Variants in SSBP2 observed in about 807,000 individuals in gnomAD.
The protein encoded by SSBP2 is single stranded DNA binding protein 2.
In SSBP2, 17 loss-of-function variants were observed where a neutral mutation model predicts 61.8. That is an observed-to-expected ratio of 0.28 (90% confidence interval 0.19 to 0.41). The LOEUF is 0.41. Among genes scored for constraint, SSBP2 ranks in the 10% least tolerant of loss-of-function variants. The probability of loss-of-function intolerance (pLI) is 1.00; values close to 1 mark genes in which losing one functional copy is unlikely to be tolerated. For missense variants in SSBP2, 310 were observed against 458.7 expected (o/e 0.68, Z 2.96); for synonymous variants, 139 against 141.3 (o/e 0.98, Z 0.12).
intron 4 of SSBP2, among the ~76,000 whole-genome samples, chr5:81,586,845 A>G (rs1775093723): frequency 6.6e-6 from 1 of 151,798 alleles, no homozygotes; most frequent in Admixed American, 6.6e-5. Flanking sequence ...TAGGAGTCTA[A>G]AATTCTGGTA....
In SSBP2 at chr5:81,436,479, G is replaced by A. The variant is rs374935319; in HGVS notation, c.957+951C>T. 8.5e-5 allele frequency among the ~76,000 whole-genome samples: 13 copies of A among 152,218 alleles called. No individual in the cohort carries two copies. In the South Asian group the frequency reaches 2.7e-3, roughly 32 times the overall value. On this transcript the variant is annotated intron_variant, in intron 15 of 16. Coordinates refer to ENST00000320672, the MANE Select transcript of SSBP2 (RefSeq NM_012446.5). The stretch of plus-strand genomic sequence containing the variant: ...TGAGGCAAAGCAGCCAGGCAGTAGA[G>A]TTATAATGCCAGAATTCCAATTAAA...
At chr5:81,556,687 C>A (rs1363021008) in intron 4 of SSBP2, among the ~76,000 whole-genome samples, 2 of 152,040 alleles carry the variant, frequency 1.3e-5, no homozygotes, top group Non-Finnish European at 2.9e-5. Context: ...CATTTTCATC[C>A]CTTGCCTTGC....
chr5:81,720,549 T>C (rs1214441907), intron 1 of SSBP2, among the ~76,000 whole-genome samples: 1 of 152,152 alleles, frequency 6.6e-6, no homozygotes, highest in East Asian at 1.9e-4. Flanking sequence ...TTGCATAAAA[T>C]TTCAACAAAA....
intron 4 of SSBP2, among the ~76,000 whole-genome samples, chr5:81,595,575 T>C (rs1304804026): frequency 6.6e-6 from 1 of 152,176 alleles, no homozygotes; most frequent in Non-Finnish European, 1.5e-5. Context: ...TGATGAACAC[T>C]GATGCAAAAA....
In SSBP2 at chr5:81,415,922, A is replaced by AAAAAAAAAAAAAAAAAAAAAAAAAAG. The variant is rs766994399; in HGVS notation, c.*4581_*4582insCTTTTTTTTTTTTTTTTTTTTTTTTT. 1 of 73,752 alleles carries AAAAAAAAAAAAAAAAAAAAAAAAAAG rather than the reference A, an allele frequency of 1.4e-5. No homozygotes were observed. The highest frequency in any genetic ancestry group is 1.5e-4 in the African/African-American group (1 of 6,788). 4.6% of individuals were successfully genotyped at this position (73,752 alleles called of 1,614,324 possible). ...GCAAGATTCTGACTCAAAAAAAAAA[A>AAAAAAAAAAAAAAAAAAAAAAAAAAG]AAAAAAAGAGGAAAACCTGATCAAG... On this transcript the variant is annotated 3_prime_UTR_variant, in exon 17 of 17. Transcript: ENST00000320672.
intron 4 of SSBP2, among the ~76,000 whole-genome samples, chr5:81,587,876 T>C (rs1202102682): frequency 6.6e-6 from 1 of 152,138 alleles, no homozygotes; most frequent in Non-Finnish European, 1.5e-5. Flanking sequence ...TCTGTGAAGA[T>C]GATGGTAGAT....
intron 4 of SSBP2, among the ~76,000 whole-genome samples, chr5:81,578,447 C>A (rs1157653880): frequency 6.6e-6 from 1 of 151,756 alleles, no homozygotes; most frequent in Non-Finnish European, 1.5e-5. Context: ...AAAAAGTCAT[C>A]ATATAATTGA....
At chr5:81,669,175 G>A (rs192175111) in intron 1 of SSBP2, among the ~76,000 whole-genome samples, 172 of 152,254 alleles carry the variant, frequency 1.1e-3, no homozygotes, top group African/African-American at 4.0e-3. Flanking sequence ...AACAAACCCT[G>A]ACAACAGTAA....
intron 1 of SSBP2, among the ~76,000 whole-genome samples, chr5:81,656,536 C>T (rs975782404): frequency 3.3e-5 from 5 of 151,780 alleles, no homozygotes; most frequent in African/African-American, 1.2e-4. Context: ...AGTTCTTTAG[C>T]GGTGATTTGT....
chr5:81,501,268 T>TATATACACAC (rs1205403428), intron 5 of SSBP2, among the ~76,000 whole-genome samples: 1 of 35,772 alleles, frequency 2.8e-5, no homozygotes, highest in Non-Finnish European at 5.2e-5. Context: ...TATATATATA[T>TATATACACAC]ACACACACAC....
At chr5:81,480,236 C>T (rs1276599546) in intron 6 of SSBP2, among the ~76,000 whole-genome samples, 2 of 152,120 alleles carry the variant, frequency 1.3e-5, no homozygotes, top group African/African-American at 2.4e-5. Context: ...TGGCAAGACT[C>T]GCTATGCACT....
chr5:81,420,401 G>T lies in SSBP2; in HGVS notation c.*103C>A. 2 of 1,173,332 alleles carry T rather than the reference G, an allele frequency of 1.7e-6. No individual in the cohort carries two copies. Among genetic ancestry groups the T allele is most frequent in the Non-Finnish European group, 1.3e-6 (1 of 790,162 alleles). The allele number at this position is 1,173,332 out of a possible 1,614,324, so 72.7% of individuals were successfully genotyped here. ...AAAAAGGTTGGTTTGGTGTGACTGA[G>T]ATTCCTTTGTTTAACTGTACACTGT... On this transcript the variant is annotated 3_prime_UTR_variant, in exon 17 of 17. Transcript: ENST00000320672.
intron 4 of SSBP2, among the ~76,000 whole-genome samples, chr5:81,614,462 G>A (rs1359626427): frequency 1.3e-5 from 2 of 151,860 alleles, no homozygotes; most frequent in African/African-American, 2.4e-5. Context: ...TATTTTGGAG[G>A]GTATAATTCT....
In SSBP2 at chr5:81,618,047, A is replaced by G. The variant is rs1242251989; in HGVS notation, c.198-2490T>C. The stretch of plus-strand genomic sequence containing the variant: ...GACTAGGAAGAAACCGCATCAACCA[A>G]TGAGCAAAATCACCAGCTAACATCA... On this transcript the variant is annotated intron_variant, in intron 3 of 16. Transcript: ENST00000320672. 9.3e-5 allele frequency among the ~76,000 whole-genome samples: 11 copies of G among 118,294 alleles called. 1 individual carries two copies. Among genetic ancestry groups the G allele is most frequent in the African/African-American group, 3.2e-4 (11 of 33,974 alleles). The allele number at this position is 118,294 out of a possible 152,430, so 77.6% of individuals were successfully genotyped here.
intron 1 of SSBP2, among the ~76,000 whole-genome samples, chr5:81,694,324 T>C (rs926515977): frequency 6.6e-6 from 1 of 152,182 alleles, no homozygotes; most frequent in Non-Finnish European, 1.5e-5. Flanking sequence ...AAAAGTAGAA[T>C]TGTATTGTGT....
intron 6 of SSBP2, among the ~76,000 whole-genome samples, chr5:81,475,388 A>G (rs527787099): frequency 1.3e-5 from 2 of 152,294 alleles, no homozygotes; most frequent in African/African-American, 4.8e-5. Context: ...TTACATGGCC[A>G]GATCAGAACT....
chr5:81,453,456 C>CTTTTTTTTTTTTTTT (rs34761912), intron 10 of SSBP2, among the ~76,000 whole-genome samples: 1 of 112,142 alleles, frequency 8.9e-6, no homozygotes, highest in Admixed American at 8.9e-5. Flanking sequence ...TGGGTTTATT[C>CTTTTTTTTTTTTTTT]TTTTTTTTTT....
chr5:81,441,129 C>T (rs1763005671), intron 13 of SSBP2, among the ~76,000 whole-genome samples: 1 of 152,176 alleles, frequency 6.6e-6, no homozygotes, highest in South Asian at 2.1e-4. Context: ...AGGTTAAATA[C>T]ATTTCATTCC....
At chr5:81,486,912 T>A (rs1486878289) in intron 6 of SSBP2, among the ~76,000 whole-genome samples, 1 of 152,218 alleles carries the variant, frequency 6.6e-6, no homozygotes, top group Non-Finnish European at 1.5e-5. Context: ...GGGGTGAATC[T>A]GAGTGCTGGC....
Sources: allele counts gnomAD v4.1 joint callset (sites outside exome capture counted in the v4.1 genomes callset), GRCh38; gene constraint gnomAD v4.1.1; transcripts MANE v1.5; gene names NCBI Gene and HGNC (gene_info 2026-07-23, HGNC 2026-07-21).